Variants in GRB2 observed in about 807,000 individuals in gnomAD.
GRB2 encodes the protein growth factor receptor bound protein 2, also known as growth factor receptor-bound protein 2.
GRB2 carries 2 observed loss-of-function variants against 27.4 expected under a neutral mutation model. The ratio of observed to expected loss-of-function variants is 0.07; its 90% CI spans 0.03 to 0.23. GRB2 has a LOEUF of 0.23. Among genes scored for constraint, GRB2 ranks in the 10% least tolerant of loss-of-function variants. The pLI is 1.00. For synonymous variants in GRB2, 94 were observed against 99.6 expected (o/e 0.94, Z 0.33); for missense variants, 102 against 282.4 (o/e 0.36, Z 4.58).
At chr17:75,339,257 G>T (rs975736846) in intron 2 of GRB2, 1 of 601,438 alleles carries the variant, frequency 1.7e-6, no homozygotes. Context: ...GCAGTGGCAC[G>T]ATCTCGGCTC....
chr17:75,329,052 C>T (rs1309722008), intron 3 of GRB2, among the ~76,000 whole-genome samples: 1 of 152,006 alleles, frequency 6.6e-6, no homozygotes, highest in Non-Finnish European at 1.5e-5. Context: ...TATCGGGGGG[C>T]CCTGGGTTTC....
At chr17:75,368,565 T>G (rs997024494) in intron 2 of GRB2, among the ~76,000 whole-genome samples, 1 of 151,276 alleles carries the variant, frequency 6.6e-6, no homozygotes, top group Non-Finnish European at 1.5e-5. Context: ...AGATAGGATC[T>G]TGCTCTGTTA....
chr17:75,378,226 C>T (rs1190508778), intron 2 of GRB2, among the ~76,000 whole-genome samples: 1 of 152,056 alleles, frequency 6.6e-6, no homozygotes, highest in Non-Finnish European at 1.5e-5. Flanking sequence ...ACCGTCTCTA[C>T]TAAAAATACA....
intron 3 of GRB2, among the ~76,000 whole-genome samples, chr17:75,328,809 G>A (rs1348745664): frequency 1.3e-5 from 2 of 151,288 alleles, no homozygotes; most frequent in African/African-American, 4.9e-5. Flanking sequence ...GTGGTGGCAG[G>A]TGCCTGTAGT....
At chr17:75,374,171 C>T (rs572823312) in intron 2 of GRB2, among the ~76,000 whole-genome samples, 7 of 151,706 alleles carry the variant, frequency 4.6e-5, no homozygotes, top group Non-Finnish European at 7.4e-5. Context: ...TTTGGGAGGC[C>T]GAGGCAGGCG....
intron 2 of GRB2, among the ~76,000 whole-genome samples, chr17:75,342,031 A>G (rs1413863219): frequency 6.6e-6 from 1 of 151,990 alleles, no homozygotes; most frequent in Non-Finnish European, 1.5e-5. Context: ...CTCTAAACAC[A>G]CTGTACTCCT....
chr17:75,372,854 T>A (rs2078864859), intron 2 of GRB2: 1 of 152,204 alleles, frequency 6.6e-6, no homozygotes, highest in Non-Finnish European at 1.5e-5. Flanking sequence ...TCAATACGCA[T>A]TCGATGAGAA....
chr17:75,367,170 TC>T (rs1316324546), intron 2 of GRB2, among the ~76,000 whole-genome samples: 1 of 152,084 alleles, frequency 6.6e-6, no homozygotes, highest in Non-Finnish European at 1.5e-5. Context: ...GACCCACTGC[TC>T]TTTTTTTCCC....
intron 2 of GRB2, among the ~76,000 whole-genome samples, chr17:75,352,951 C>T (rs1444014279): frequency 6.6e-6 from 1 of 151,040 alleles, no homozygotes; most frequent in Admixed American, 6.6e-5. Flanking sequence ...TTTGGGAGGC[C>T]GAGGTGGGTG....
rs943110750 is a variant in GRB2, at chr17:75,372,763, C to T, written c.78+20788G>A. 2.6e-5 allele frequency: 4 copies of T among 152,214 alleles called. 1 individual carries two copies. The highest frequency in any genetic ancestry group is 4.1e-4 in the South Asian group (2 of 4,834). The allele number at this position is 152,214 out of a possible 1,614,324, so 9.4% of individuals were successfully genotyped here. On this transcript the variant is annotated intron_variant, in intron 2 of 5. Coordinates refer to ENST00000316804, the MANE Select transcript of GRB2 (RefSeq NM_002086.5). ...GCCATATAAGCTAGATGCTACAGTA[C>T]TCAACAGTGCAGCTTAGAGTACTAT...
intron 2 of GRB2, chr17:75,338,804 C>A (rs2078599567): frequency 2.7e-6 from 2 of 739,210 alleles, no homozygotes; most frequent in Non-Finnish European, 5.0e-6. Context: ...CAAGTCCTTT[C>A]TGTGCTGATA....
intron 3 of GRB2, among the ~76,000 whole-genome samples, chr17:75,328,995 AC>A (rs1473898199): frequency 2.6e-5 from 4 of 152,038 alleles, no homozygotes; most frequent in Admixed American, 6.6e-5. Context: ...CGGTATTGAG[AC>A]CTTCTCAATC....
intron 2 of GRB2, among the ~76,000 whole-genome samples, chr17:75,391,358 T>TA (rs2078997091): frequency 6.6e-6 from 1 of 152,220 alleles, no homozygotes; most frequent in Non-Finnish European, 1.5e-5. Flanking sequence ...GAGGGACTGT[T>TA]AAACAGGATC....
chr17:75,393,911 C>A (rs531013465), intron 1 of GRB2, 146 bp from the exon 2 acceptor site: 13 of 485,498 alleles, frequency 2.7e-5, no homozygotes, highest in African/African-American at 9.8e-5. Context: ...CAGCCCCCCC[C>A]CGCCGACTTC....
At chr17:75,399,919 C>A (rs532060065) in intron 1 of GRB2, among the ~76,000 whole-genome samples, 2 of 152,224 alleles carry the variant, frequency 1.3e-5, no homozygotes, top group African/African-American at 4.8e-5. Flanking sequence ...ATCCGCCTGC[C>A]TCAGCCTCCC....
chr17:75,375,274 G>A (rs1481650463), intron 2 of GRB2, among the ~76,000 whole-genome samples: 1 of 151,750 alleles, frequency 6.6e-6, no homozygotes, highest in East Asian at 1.9e-4. Context: ...GATCTTTCAT[G>A]TTCTCAACTG....
intron 4 of GRB2, among the ~76,000 whole-genome samples, chr17:75,324,603 C>T (rs1032489560): frequency 3.4e-5 from 5 of 148,126 alleles, no homozygotes; most frequent in Admixed American, 2.0e-4. Flanking sequence ...CTACAACCTC[C>T]GCCTCCTGGA....
intron 2 of GRB2, among the ~76,000 whole-genome samples, chr17:75,359,812 A>G (rs958135192): frequency 2.0e-4 from 31 of 152,084 alleles, no homozygotes; most frequent in African/African-American, 5.6e-4. Context: ...AACCATGTAT[A>G]CCTGTCTCAA....
intron 2 of GRB2, among the ~76,000 whole-genome samples, chr17:75,383,642 G>T (rs1233516861): frequency 3.9e-5 from 6 of 152,180 alleles, no homozygotes; most frequent in Non-Finnish European, 8.8e-5. Flanking sequence ...AGGAGTTCGA[G>T]ACCAGCCCGG....
Sources: gnomAD v4.1 joint callset for allele counts (sites outside exome capture counted in the v4.1 genomes callset) on GRCh38, gnomAD v4.1.1 for gene constraint, MANE v1.5 for transcripts, NCBI Gene and HGNC (gene_info 2026-07-23, HGNC 2026-07-21) for gene names.